SLC26A7: variants seen among roughly 807,000 people sequenced by gnomAD.
SLC26A7 encodes the protein solute carrier family 26 member 7, also known as anion exchange transporter.
A neutral mutation model predicts 82.5 loss-of-function variants in SLC26A7; 59 were observed. The ratio of observed to expected loss-of-function variants is 0.72; its 90% CI spans 0.58 to 0.89. SLC26A7 has a LOEUF of 0.89. SLC26A7 is among the 40% of genes least tolerant of loss of function. SLC26A7 has a pLI of 0.00. For missense variants in SLC26A7, 820 were observed against 793.0 expected (o/e 1.03, Z -0.41); for synonymous variants, 271 against 274.3 (o/e 0.99, Z 0.12).
At chr8:91,360,804 C>A (rs555080122) in intron 11 of SLC26A7, among the ~76,000 whole-genome samples, 1 of 152,150 alleles carries the variant, frequency 6.6e-6, no homozygotes, top group South Asian at 2.1e-4. Context: ...CACACTCGGG[C>A]AGATTCAGTT....
At chr8:91,228,388 C>T (rs538220103) in intron 2 of SLC26A7, among the ~76,000 whole-genome samples, 28 of 152,266 alleles carry the variant, frequency 1.8e-4, no homozygotes, top group East Asian at 5.8e-4. Flanking sequence ...AGGCCATCCA[C>T]GGGCAGCTGA....
At chr8:91,236,685 A>T (rs1810397622) in intron 2 of SLC26A7, among the ~76,000 whole-genome samples, 1 of 152,146 alleles carries the variant, frequency 6.6e-6, no homozygotes, top group Admixed American at 6.6e-5. Flanking sequence ...TAATATTGTT[A>T]AAGTTATACA....
intron 15 of SLC26A7, among the ~76,000 whole-genome samples, chr8:91,377,763 A>G (rs910898559): frequency 1.3e-5 from 2 of 152,136 alleles, no homozygotes; most frequent in African/African-American, 2.4e-5. Flanking sequence ...ACCCCCACCT[A>G]TGTTTTCCGT....
intron 4 of SLC26A7, among the ~76,000 whole-genome samples, chr8:91,311,672 C>T (rs796615755): frequency 3.3e-5 from 5 of 152,174 alleles, no homozygotes; most frequent in East Asian, 1.9e-4. Flanking sequence ...CCAGCGGAAA[C>T]GAACATGGCA....
upstream of SLC26A7, among the ~76,000 whole-genome samples, chr8:91,249,076 A>G (rs946027602): frequency 6.6e-6 from 1 of 152,136 alleles, no homozygotes; most frequent in Non-Finnish European, 1.5e-5. Flanking sequence ...TTGAAAATAT[A>G]TAGCTCTCAA....
chr8:91,395,090 A>G lies in SLC26A7; in HGVS notation c.1964A>G (p.Glu655Gly). ...TTGAGCAAACTCAGTGACCACAGTG[A>G]AGTCTGAGACCCTTTTGTCACAGTA... ...KNLSKLSDHSEV is the reference protein window; with the variant it reads ...KNLSKLSDHSGV The change falls in exon 19 of 19, where the codon GAA becomes GGA. Residue 655 changes from glutamate (E) to glycine (G), a missense_variant. Coordinates refer to ENST00000276609, the MANE Select transcript of SLC26A7 (RefSeq NM_052832.4). 1 of 1,613,408 alleles carries G rather than the reference A, an allele frequency of 6.2e-7. No individual in the cohort carries two copies. The highest frequency in any genetic ancestry group is 8.5e-7 in the Non-Finnish European group (1 of 1,179,396).
chr8:91,391,941 A>G (rs1347228319), intron 16 of SLC26A7, among the ~76,000 whole-genome samples: 1 of 152,204 alleles, frequency 6.6e-6, no homozygotes. Flanking sequence ...ATAAAGAAAG[A>G]AGGAGAAATG....
chr8:91,241,416 C>T (rs1463868058), intron 2 of SLC26A7, among the ~76,000 whole-genome samples: 1 of 151,946 alleles, frequency 6.6e-6, no homozygotes, highest in Non-Finnish European at 1.5e-5. Context: ...TCTATACTTT[C>T]TGAAATCATC....
chr8:91,392,402 G>T (rs1282311018), intron 16 of SLC26A7, among the ~76,000 whole-genome samples: 1 of 152,122 alleles, frequency 6.6e-6, no homozygotes, highest in East Asian at 1.9e-4. Context: ...ACTTCATCAA[G>T]TTGTTGTGAG....
chr8:91,248,585 G>A (rs1289647802), upstream of SLC26A7, among the ~76,000 whole-genome samples: 2 of 151,936 alleles, frequency 1.3e-5, no homozygotes, highest in Non-Finnish European at 2.9e-5. Flanking sequence ...TAAGCAAAAT[G>A]ATCATAAAAT....
chr8:91,342,079 C>T (rs1420293223), intron 8 of SLC26A7, among the ~76,000 whole-genome samples: 2 of 151,904 alleles, frequency 1.3e-5, no homozygotes, highest in Admixed American at 6.6e-5. Context: ...AGGCATGCAC[C>T]ACCATGCCTG....
In SLC26A7 at chr8:91,395,105, T is replaced by C. The variant is rs80320370; in HGVS notation, c.*8T>C. On this transcript the variant is annotated 3_prime_UTR_variant, in exon 19 of 19. Transcript: ENST00000276609. ...GACCACAGTGAAGTCTGAGACCCTT[T>C]TGTCACAGTACAGCTCTTGTCTTTA... 6.8e-4 allele frequency: 1,105 copies of C among 1,613,346 alleles called. 5 individuals are homozygous for C. In the African/African-American group the frequency reaches 0.013, roughly 19 times the overall value.
intron 2 of SLC26A7, among the ~76,000 whole-genome samples, chr8:91,275,955 C>T (rs1226873009): frequency 1.3e-5 from 2 of 152,086 alleles, no homozygotes; most frequent in Admixed American, 1.3e-4. Context: ...GCACACTTAT[C>T]CTCTTGAAGC....
At chr8:91,368,413 G>GTT (rs565439844) in intron 14 of SLC26A7, among the ~76,000 whole-genome samples, 55,931 of 144,824 alleles carry the variant, frequency 0.39, 11,338 homozygotes, top group African/African-American at 0.49. Context: ...TTCAGATGAG[G>GTT]TTTTTTTTTT....
At chr8:91,289,009 C>A in intron 2 of SLC26A7, 127 bp from the exon 3 acceptor site, 2 of 634,644 alleles carry the variant, frequency 3.2e-6, no homozygotes, top group South Asian at 4.2e-5. Context: ...ATGCTAGACT[C>A]TTGTTGAGCA....
chr8:91,278,261 C>T (rs1811459949), intron 2 of SLC26A7, among the ~76,000 whole-genome samples: 1 of 151,738 alleles, frequency 6.6e-6, no homozygotes, highest in Admixed American at 6.6e-5. Flanking sequence ...GATTGCATCA[C>T]AGGAAGTCAG....
At chr8:91,277,568 G>C (rs1231266152) in intron 2 of SLC26A7, among the ~76,000 whole-genome samples, 1 of 152,100 alleles carries the variant, frequency 6.6e-6, no homozygotes, top group East Asian at 1.9e-4. Context: ...AGAGAAAGTT[G>C]CCACAAAATA....
chr8:91,380,968 G>A (rs1350636231), intron 15 of SLC26A7, among the ~76,000 whole-genome samples: 8 of 152,034 alleles, frequency 5.3e-5, no homozygotes, highest in Admixed American at 5.2e-4. Flanking sequence ...TTTGTTATAT[G>A]TTATACTGAC....
intron 3 of SLC26A7, among the ~76,000 whole-genome samples, chr8:91,294,622 G>A (rs914964495): frequency 3.3e-5 from 5 of 152,164 alleles, no homozygotes; most frequent in Admixed American, 6.5e-5. Flanking sequence ...GCACAATGCT[G>A]CAGTTTGTTT....
Sources: allele counts gnomAD v4.1 joint callset (sites outside exome capture counted in the v4.1 genomes callset), GRCh38; gene constraint gnomAD v4.1.1; transcripts MANE v1.5; gene names NCBI Gene and HGNC (gene_info 2026-07-23, HGNC 2026-07-21).